RPA3: variants seen among roughly 807,000 people sequenced by gnomAD.
RPA3 encodes replication protein A3.
A neutral mutation model predicts 13.7 loss-of-function variants in RPA3; 24 were observed. That is an observed-to-expected ratio of 1.75 (90% CI 1.27 to 2.46). The LOEUF (loss-of-function observed/expected upper bound fraction) is 2.46. RPA3 is among the 30% of genes most tolerant of loss of function. The pLI is 0.00. For synonymous variants in RPA3, 59 were observed against 51.2 expected (o/e 1.15, Z -0.65); for missense variants, 183 against 151.0 (o/e 1.21, Z -1.11).
chr7:7,717,665 A>G (rs1236935221), intron 1 of RPA3, among the ~76,000 whole-genome samples: 2 of 152,206 alleles, frequency 1.3e-5, no homozygotes, highest in African/African-American at 4.8e-5. Context: ...ACTTTGGGGC[A>G]TCAACAGCAT....
At chr7:7,692,663 G>A (rs1174341741) in intron 2 of RPA3, among the ~76,000 whole-genome samples, 5 of 152,176 alleles carry the variant, frequency 3.3e-5, no homozygotes, top group Admixed American at 6.5e-5. Flanking sequence ...AGGCTGGAGT[G>A]CAGTAGCGTG....
intron 4 of RPA3, among the ~76,000 whole-genome samples, chr7:7,666,641 G>C (rs1212154009): frequency 1.3e-5 from 2 of 151,978 alleles, no homozygotes; most frequent in African/African-American, 4.8e-5. Flanking sequence ...CATGTATCTT[G>C]CTAGGTGAAG....
intron 4 of RPA3, among the ~76,000 whole-genome samples, chr7:7,664,674 G>C (rs1412968914): frequency 6.6e-6 from 1 of 152,080 alleles, no homozygotes; most frequent in Non-Finnish European, 1.5e-5. Context: ...TTAAACTCAA[G>C]GCTACCTAGT....
rs530815911 is a variant in RPA3 at position 7,673,704 on chromosome 7, T to C, written c.-758+12126A>G. ...TTAAATGTGTAAAATCACTTCTTTT[T>C]CCCCCCCTTTTTTTTTTTAACTGTG... is the stretch of plus-strand genomic sequence containing the variant. On this transcript the variant is annotated intron_variant, in intron 4 of 7. Coordinates refer to ENST00000223129, the MANE Select transcript of RPA3 (RefSeq NM_002947.5). Among the ~76,000 whole-genome samples, 12 of 150,084 alleles carry C rather than the reference T, an allele frequency of 8.0e-5. No individual in the cohort carries two copies. In the South Asian group the frequency reaches 1.7e-3, roughly 21 times the overall value.
intron 4 of RPA3, among the ~76,000 whole-genome samples, chr7:7,656,007 G>A (rs1205040318): frequency 6.6e-6 from 1 of 152,016 alleles, no homozygotes; most frequent in African/African-American, 2.4e-5. Context: ...GGCTAATTTT[G>A]TATTTTTAGT....
intron 4 of RPA3, among the ~76,000 whole-genome samples, chr7:7,659,744 G>C (rs548301324): frequency 1.2e-4 from 19 of 152,296 alleles, no homozygotes; most frequent in African/African-American, 4.1e-4. Flanking sequence ...TTTAGAATAA[G>C]TATGATGTGG....
At chr7:7,717,855 C>G (rs1426589612) in intron 1 of RPA3, among the ~76,000 whole-genome samples, 1 of 152,110 alleles carries the variant, frequency 6.6e-6, no homozygotes, top group African/African-American at 2.4e-5. Context: ...TATGATTGGC[C>G]ATAATTATCA....
At chr7:7,681,991 C>T (rs1412364798) in intron 4 of RPA3, among the ~76,000 whole-genome samples, 1 of 152,002 alleles carries the variant, frequency 6.6e-6, no homozygotes, top group African/African-American at 2.4e-5. Context: ...TGAAAAGGAA[C>T]AATTTAGATA....
rs577668363 is a variant in RPA3 at position 7,640,601 on chromosome 7, G to A, written c.-183C>T. ...CTGTCTCTGAAAGGGGTGGAGAAGG[G>A]GCTGGATGAGTCCGGAAGTGGAGAT... On this transcript the variant is annotated 5_prime_UTR_variant, in exon 5 of 8. Transcript: ENST00000223129. The A allele has an allele frequency of 6.3e-4, 383 of 612,038 alleles. 5 individuals carry two copies. The highest frequency in any genetic ancestry group is 4.9e-3 in the South Asian group (256 of 52,616). 37.9% of individuals were successfully genotyped at this position (612,038 alleles called of 1,614,324 possible).
At chr7:7,701,929 C>A (rs977845528) in intron 2 of RPA3, among the ~76,000 whole-genome samples, 1 of 152,166 alleles carries the variant, frequency 6.6e-6, no homozygotes, top group South Asian at 2.1e-4. Context: ...ATCAGCTATA[C>A]CTCCCTTTTC....
intron 4 of RPA3, among the ~76,000 whole-genome samples, chr7:7,650,064 A>C (rs1276200909): frequency 2.6e-5 from 4 of 152,242 alleles, no homozygotes; most frequent in Non-Finnish European, 4.4e-5. Context: ...TGGACAGATT[A>C]AGAAGCATGC....
intron 2 of RPA3, among the ~76,000 whole-genome samples, chr7:7,704,872 C>T (rs918705151): frequency 3.0e-5 from 4 of 134,502 alleles, no homozygotes; most frequent in African/African-American, 1.1e-4. Context: ...TGAAAAAAAA[C>T]GATGTGTTTT....
At chr7:7,660,517 C>A (rs1785448366) in intron 4 of RPA3, among the ~76,000 whole-genome samples, 1 of 152,192 alleles carries the variant, frequency 6.6e-6, no homozygotes, top group Admixed American at 6.5e-5. Context: ...AATCTCTCAG[C>A]ATTTGCTTGT....
At chr7:7,649,692 G>T (rs1292588831) in intron 4 of RPA3, among the ~76,000 whole-genome samples, 2 of 151,600 alleles carry the variant, frequency 1.3e-5, no homozygotes, top group Non-Finnish European at 2.9e-5. Context: ...GTTGGTGGGG[G>T]GGCCCACCCT....
At chr7:7,659,863 T>C (rs571171210) in intron 4 of RPA3, among the ~76,000 whole-genome samples, 2 of 152,254 alleles carry the variant, frequency 1.3e-5, no homozygotes, top group South Asian at 4.1e-4. Context: ...CCTTGTTAAT[T>C]TTCTGTCTCG....
chr7:7,686,460 T>G (rs1780043534), intron 3 of RPA3, among the ~76,000 whole-genome samples: 1 of 152,208 alleles, frequency 6.6e-6, no homozygotes, highest in South Asian at 2.1e-4. Flanking sequence ...TTTAAAAATG[T>G]AGATAATTTT....
intron 2 of RPA3, among the ~76,000 whole-genome samples, chr7:7,702,974 TATC>T (rs1228974487): frequency 1.3e-5 from 2 of 152,226 alleles, no homozygotes; most frequent in Admixed American, 1.3e-4. Context: ...CGTGTAAACT[TATC>T]ATGTGCTCCT....
In RPA3 at chr7:7,708,687, A is replaced by T. The variant is rs567631883; in HGVS notation, c.-1028+6488T>A. Reference sequence around the variant, plus strand: ...CTACTACTTCGTTTTGGCCATCTTAAAATTATATTTTATAATTAGTAAATA... The same window carrying T: ...CTACTACTTCGTTTTGGCCATCTTATAATTATATTTTATAATTAGTAAATA... On this transcript the variant is annotated intron_variant, in intron 2 of 7. Transcript: ENST00000223129. Among the ~76,000 whole-genome samples, 10 of 152,304 alleles carry T rather than the reference A, an allele frequency of 6.6e-5. 1 individual carries two copies. The highest frequency in any genetic ancestry group is 2.4e-4 in the African/African-American group (10 of 41,580).
At chr7:7,670,046 T>G (rs777623774) in intron 4 of RPA3, among the ~76,000 whole-genome samples, 5 of 152,224 alleles carry the variant, frequency 3.3e-5, no homozygotes, top group Non-Finnish European at 4.4e-5. Flanking sequence ...GTGTTTAAAT[T>G]TGATGTTTTA....
Sources: gnomAD v4.1 joint callset for allele counts (sites outside exome capture counted in the v4.1 genomes callset) on GRCh38, gnomAD v4.1.1 for gene constraint, MANE v1.5 for transcripts, NCBI Gene and HGNC (gene_info 2026-07-23, HGNC 2026-07-21) for gene names.